NBEAL1: variants seen among roughly 807,000 people sequenced by gnomAD.
NBEAL1 encodes the protein neurobeachin-like protein 1.
NBEAL1 carries 273 observed loss-of-function variants against 351.3 expected under a neutral mutation model. The ratio of observed to expected loss-of-function variants is 0.78; its 90% CI spans 0.70 to 0.86. The LOEUF is 0.86. Among genes scored for constraint, NBEAL1 ranks in the 40% least tolerant of loss-of-function variants. The pLI is 0.00. For synonymous variants in NBEAL1, 1,050 were observed against 1,086.4 expected (o/e 0.97, Z 0.66); for missense variants, 2,961 against 3,201.3 (o/e 0.92, Z 1.81).
intron 48 of NBEAL1, among the ~76,000 whole-genome samples, chr2:203,197,650 G>A (rs567402917): frequency 4.5e-4 from 68 of 152,232 alleles, no homozygotes; most frequent in African/African-American, 1.6e-3. Context: ...GCCCACGTCC[G>A]TAATCCCAGC....
chr2:203,138,747 A>G lies in NBEAL1; in HGVS notation c.4847A>G (p.Gln1616Arg), dbSNP rs2063288186. 3.1e-6 allele frequency: 5 copies of G among 1,608,158 alleles called. No individual in the cohort carries two copies. Among genetic ancestry groups the G allele is most frequent in the African/African-American group, 1.3e-5 (1 of 74,490 alleles). Residue 1616 changes from glutamine (Q) to arginine (R), a missense_variant and splice_region_variant, in exon 31 of 56, where the codon CAG becomes CGG. Coordinates refer to ENST00000683969, the MANE Select transcript of NBEAL1 (RefSeq NM_001378026.1). ...GGATTCATTGGAAGGGGTAATTTGC[A>G]GGTTTGTCCATTCTTTTATATTATT... ...LLGFIGRGNL[Q>R]VCAMASAKLN... is the part of the protein sequence containing the mutation.
At chr2:203,026,649 G>C (rs1410821975) in intron 2 of NBEAL1, among the ~76,000 whole-genome samples, 1 of 151,956 alleles carries the variant, frequency 6.6e-6, no homozygotes, top group African/African-American at 2.4e-5. Context: ...CAAGTGTCTG[G>C]AACTACTGGT....
intron 10 of NBEAL1, among the ~76,000 whole-genome samples, chr2:203,093,178 G>T (rs2062101125): frequency 7.2e-6 from 1 of 139,348 alleles, no homozygotes; most frequent in Non-Finnish European, 1.5e-5. Flanking sequence ...GTTGCAGTGA[G>T]CCGAGATCAC....
At chr2:203,146,952 A>T (rs1350906359) in intron 33 of NBEAL1, among the ~76,000 whole-genome samples, 1 of 152,214 alleles carries the variant, frequency 6.6e-6, no homozygotes. Context: ...GTAAATGCAG[A>T]AAAAGCACTT....
Position 203,224,864 on chromosome 2 carries a change from T to C in NBEAL1, c.*7510T>C, listed in dbSNP as rs893478380. On this transcript the variant is annotated 3_prime_UTR_variant, in exon 56 of 56. Transcript: ENST00000683969. ...ATAAAGATGTATAAATAATTTTGATTATTCTCATTGTAGTTAAGTTACTGT... is the reference window on the plus strand; with the variant it reads ...ATAAAGATGTATAAATAATTTTGATCATTCTCATTGTAGTTAAGTTACTGT... Among the ~76,000 whole-genome samples, 3 of 152,216 alleles carry C rather than the reference T, an allele frequency of 2.0e-5. No individual in the cohort carries two copies. Among genetic ancestry groups the C allele is most frequent in the African/African-American group, 7.2e-5 (3 of 41,468 alleles).
chr2:203,040,856 A>G (rs1258566939), intron 2 of NBEAL1: 3 of 440,650 alleles, frequency 6.8e-6, no homozygotes, highest in African/African-American at 6.0e-5. Flanking sequence ...TCACATGGCT[A>G]TCGGGGTGAA....
intron 3 of NBEAL1, among the ~76,000 whole-genome samples, chr2:203,048,248 G>C (rs2061263007): frequency 6.6e-6 from 1 of 151,826 alleles, no homozygotes; most frequent in Admixed American, 6.6e-5. Flanking sequence ...TGGGTGTGGT[G>C]GCACGTGCCT....
At position 203,202,043 on chromosome 2, in the gene NBEAL1, C is replaced by G. The variant is rs1389390394; in HGVS notation, c.7411+328C>G. 2.0e-5 allele frequency among the ~76,000 whole-genome samples: 3 copies of G among 152,006 alleles called. No individual in the cohort carries two copies. In the East Asian group the frequency reaches 5.8e-4, roughly 29 times the overall value. On this transcript the variant is annotated intron_variant, in intron 50 of 55. Transcript: ENST00000683969. The stretch of plus-strand genomic sequence containing the variant: ...GTCATTAGATAAGACATCAACTGCT[C>G]TATTACTTTGTTAACAGTTAAACAT...
chr2:203,095,534 G>T (rs1039849175), intron 10 of NBEAL1, among the ~76,000 whole-genome samples: 2 of 151,858 alleles, frequency 1.3e-5, no homozygotes, highest in African/African-American at 4.8e-5. Flanking sequence ...CAGGTGATCC[G>T]CCCGCCTCAG....
chr2:203,130,520 G>T, intron 25 of NBEAL1, 44 bp downstream of exon 25: 1 of 1,303,374 alleles, frequency 7.7e-7, no homozygotes, highest in South Asian at 2.4e-5. Context: ...AGGCGTTTGT[G>T]GGTATATGAA....
At chr2:203,192,277 C>T (rs1215377368) in intron 46 of NBEAL1, among the ~76,000 whole-genome samples, 2 of 152,040 alleles carry the variant, frequency 1.3e-5, no homozygotes, top group Non-Finnish European at 2.9e-5. Flanking sequence ...CCTGCTTTAC[C>T]TTTCTTTTTG....
At chr2:203,090,463 T>A (rs2062041859) in intron 10 of NBEAL1, among the ~76,000 whole-genome samples, 1 of 152,272 alleles carries the variant, frequency 6.6e-6, no homozygotes, top group Non-Finnish European at 1.5e-5. Context: ...AGCATTTTTT[T>A]ACTTTTAAGG....
chr2:203,130,746 A>G (rs2063054270), intron 25 of NBEAL1, among the ~76,000 whole-genome samples: 1 of 152,196 alleles, frequency 6.6e-6, no homozygotes, highest in African/African-American at 2.4e-5. Flanking sequence ...TGGTGGGTCT[A>G]TGTGGCAATT....
intron 12 of NBEAL1, among the ~76,000 whole-genome samples, chr2:203,102,663 G>A (rs1364167570): frequency 6.6e-6 from 1 of 152,192 alleles, no homozygotes; most frequent in Non-Finnish European, 1.5e-5. Context: ...AAGCCTACTT[G>A]ATCATAGTGG....
rs375900278 is a variant in NBEAL1 at position 203,041,869 on chromosome 2, G to A, written c.143+13G>A. 71 of 1,529,930 alleles carry A rather than the reference G, an allele frequency of 4.6e-5. No individual in the cohort carries two copies. In the African/African-American group the frequency reaches 8.1e-4, roughly 17 times the overall value. 94.8% of individuals were successfully genotyped at this position (1,529,930 alleles called of 1,614,324 possible). Reference sequence around the variant, plus strand: ...AGCTGCCTACCAGGTATGTAGAAACGCTAATTTGTAACCCCTGGATGAGTT... The same window carrying A: ...AGCTGCCTACCAGGTATGTAGAAACACTAATTTGTAACCCCTGGATGAGTT... On this transcript the variant is annotated intron_variant, in intron 3 of 55. Coordinates refer to ENST00000683969, the MANE Select transcript of NBEAL1 (RefSeq NM_001378026.1).
chr2:203,206,787 A>C (rs907532862), intron 51 of NBEAL1, among the ~76,000 whole-genome samples: 23 of 151,708 alleles, frequency 1.5e-4, no homozygotes, highest in Non-Finnish European at 3.2e-4. Flanking sequence ...ACCTCCCAGC[A>C]GCCTGCCTTG....
chr2:203,016,606 C>T (rs2060684772), intron 2 of NBEAL1, among the ~76,000 whole-genome samples, 171 bp downstream of exon 2: 2 of 152,178 alleles, frequency 1.3e-5, no homozygotes, highest in Admixed American at 6.5e-5. Context: ...CAGGTTTGAA[C>T]ACACATACAA....
intron 51 of NBEAL1, among the ~76,000 whole-genome samples, chr2:203,207,217 G>A (rs1412503812): frequency 2.7e-5 from 4 of 150,812 alleles, no homozygotes; most frequent in Non-Finnish European, 5.9e-5. Context: ...GAGCCCCTCC[G>A]CCTGGCAGCC....
chr2:203,177,150 C>CAAAAAAAAAAAAAAAA (rs201081239), intron 42 of NBEAL1, among the ~76,000 whole-genome samples: 1 of 60,384 alleles, frequency 1.7e-5, no homozygotes. Context: ...AGCTCTATCT[C>CAAAAAAAAAAAAAAAA]AAAAAAAAAA....
Sources: allele counts gnomAD v4.1 joint callset (sites outside exome capture counted in the v4.1 genomes callset), GRCh38; gene constraint gnomAD v4.1.1; transcripts MANE v1.5; gene names NCBI Gene and HGNC (gene_info 2026-07-23, HGNC 2026-07-21).